Variants in NRXN1 observed in about 807,000 individuals in gnomAD.
NRXN1 encodes the protein neurexin-1.
NRXN1 carries 39 observed loss-of-function variants against 150.9 expected under a neutral mutation model. That is an observed-to-expected ratio of 0.26 (90% CI 0.20 to 0.34). NRXN1 has a LOEUF of 0.34. NRXN1 is among the 10% of genes least tolerant of loss of function. The probability of loss-of-function intolerance (pLI) is 1.00; values close to 1 mark genes in which losing one functional copy is unlikely to be tolerated. For synonymous variants in NRXN1, 924 were observed against 757.0 expected, an observed-to-expected ratio of 1.22 and a Z score of -3.62; for missense variants, 1,815 against 1,949.9, an observed-to-expected ratio of 0.93 and a Z score of 1.30.
intron 12 of NRXN1, among the ~76,000 whole-genome samples, chr2:50,508,142 T>C (rs528068273): frequency 1.1e-4 from 17 of 152,196 alleles, no homozygotes; most frequent in Admixed American, 6.5e-5. Context: ...ATGGTGCTAC[T>C]AATAATTCAA....
intron 21 of NRXN1, chr2:49,970,196 G>C (rs149219048): frequency 6.6e-6 from 1 of 151,978 alleles, no homozygotes; most frequent in African/African-American, 2.4e-5. Context: ...TTCCCAAGAA[G>C]ATGAATTGTG....
chr2:50,038,427 C>G (rs1441056606), intron 21 of NRXN1, among the ~76,000 whole-genome samples: 1 of 152,124 alleles, frequency 6.6e-6, no homozygotes, highest in Non-Finnish European at 1.5e-5. Context: ...GTGAGGATCC[C>G]TGCACCCACA....
chr2:50,814,222 C>A (rs1447180660), intron 5 of NRXN1, among the ~76,000 whole-genome samples: 1 of 152,082 alleles, frequency 6.6e-6, no homozygotes, highest in Non-Finnish European at 1.5e-5. Flanking sequence ...TTCTTGAACT[C>A]CTGGCCTCAA....
At chr2:49,959,213 C>G (rs1435313192) in intron 21 of NRXN1, among the ~76,000 whole-genome samples, 1 of 152,104 alleles carries the variant, frequency 6.6e-6, no homozygotes, top group Non-Finnish European at 1.5e-5. Context: ...AGAAGCCAAG[C>G]CTCCTTTTGT....
chr2:50,303,301 G>A (rs1022788155), intron 17 of NRXN1, among the ~76,000 whole-genome samples: 2 of 152,064 alleles, frequency 1.3e-5, no homozygotes, highest in African/African-American at 4.8e-5. Flanking sequence ...TATAATTTCT[G>A]GACAAAAGAA....
At chr2:50,775,710 A>C (rs1310625778) in intron 5 of NRXN1, among the ~76,000 whole-genome samples, 1 of 152,304 alleles carries the variant, frequency 6.6e-6, no homozygotes, top group South Asian at 2.1e-4. Flanking sequence ...TAATGAATAA[A>C]TTGAAAGGAA....
intron 5 of NRXN1, among the ~76,000 whole-genome samples, chr2:50,673,320 C>G (rs749489608): frequency 6.6e-6 from 1 of 151,978 alleles, no homozygotes; most frequent in Non-Finnish European, 1.5e-5. Context: ...TCTACCAATA[C>G]TAGCAAAAAG....
chr2:50,430,334 G>GA (rs80098808), intron 17 of NRXN1, among the ~76,000 whole-genome samples: 17,288 of 151,876 alleles, frequency 0.11, 1,533 homozygotes, highest in East Asian at 0.42. Flanking sequence ...TGGGCAGGTA[G>GA]AAAAAAACAG....
chr2:50,218,301 C>T (rs983364001), intron 18 of NRXN1, among the ~76,000 whole-genome samples: 5 of 151,950 alleles, frequency 3.3e-5, no homozygotes, highest in Admixed American at 6.6e-5. Flanking sequence ...CATGAATGAA[C>T]GAAAAACTTT....
intron 19 of NRXN1, 63 bp downstream of exon 19, chr2:50,091,260 A>G (rs1170260067): frequency 1.3e-6 from 2 of 1,573,072 alleles, no homozygotes; most frequent in Non-Finnish European, 1.7e-6. Flanking sequence ...GATGCAAAAC[A>G]GTGCTTTTTC....
chr2:50,896,416 G>A (rs564746068), intron 5 of NRXN1, among the ~76,000 whole-genome samples: 1 of 151,914 alleles, frequency 6.6e-6, no homozygotes, highest in South Asian at 2.1e-4. Context: ...GACAAACAAG[G>A]AAACAATCAT....
At chr2:50,627,047 A>G (rs550306752) in intron 5 of NRXN1, among the ~76,000 whole-genome samples, 39 of 152,044 alleles carry the variant, frequency 2.6e-4, no homozygotes, top group African/African-American at 8.9e-4. Context: ...ATACCATTTC[A>G]TAGCCATGAA....
intron 17 of NRXN1, among the ~76,000 whole-genome samples, chr2:50,351,587 G>C (rs1369180939): frequency 6.6e-6 from 1 of 151,462 alleles, no homozygotes; most frequent in Non-Finnish European, 1.5e-5. Context: ...TACATAAACA[G>C]AGTATGTGAC....
At chr2:50,891,887 G>T (rs943447641) in intron 5 of NRXN1, among the ~76,000 whole-genome samples, 1 of 151,952 alleles carries the variant, frequency 6.6e-6, no homozygotes, top group Admixed American at 6.6e-5. Flanking sequence ...TTAATTCACT[G>T]AATTGATATT....
At chr2:50,521,345 G>A (rs954026133) in intron 12 of NRXN1, among the ~76,000 whole-genome samples, 10 of 152,120 alleles carry the variant, frequency 6.6e-5, no homozygotes, top group Non-Finnish European at 1.5e-5. Context: ...CCTGGGAAGT[G>A]CAGTTGGAGA....
intron 5 of NRXN1, among the ~76,000 whole-genome samples, chr2:50,863,808 A>G (rs1481422763): frequency 1.3e-5 from 2 of 152,022 alleles, no homozygotes; most frequent in Non-Finnish European, 2.9e-5. Flanking sequence ...AAAAAACTGT[A>G]AAAGCCCACT....
At chr2:50,503,819 G>T (rs1352668130) in intron 13 of NRXN1, among the ~76,000 whole-genome samples, 1 of 152,094 alleles carries the variant, frequency 6.6e-6, no homozygotes, top group Non-Finnish European at 1.5e-5. Flanking sequence ...AGTTGAAAGG[G>T]AGAAAACGTA....
intron 17 of NRXN1, among the ~76,000 whole-genome samples, chr2:50,381,867 T>C (rs2080996668): frequency 6.6e-6 from 1 of 152,134 alleles, no homozygotes; most frequent in Admixed American, 6.6e-5. Context: ...AGGAGTAGTT[T>C]CAGAGATTCT....
chr2:50,292,265 T>C (rs1403247714), intron 17 of NRXN1, among the ~76,000 whole-genome samples: 2 of 152,184 alleles, frequency 1.3e-5, no homozygotes, highest in Non-Finnish European at 1.5e-5. Context: ...TTAAGTTATA[T>C]TGGCAAGCCA....
Sources: gnomAD v4.1 joint callset for allele counts (sites outside exome capture counted in the v4.1 genomes callset) on GRCh38, gnomAD v4.1.1 for gene constraint, MANE v1.5 for transcripts, NCBI Gene and HGNC (gene_info 2026-07-23, HGNC 2026-07-21) for gene names.